Variants in MRS2 observed in about 807,000 individuals in gnomAD.
MRS2 encodes the protein magnesium transporter MRS2.
Under a neutral mutation model 52.6 loss-of-function variants are expected in MRS2, and 40 were observed. The observed-to-expected ratio is 0.76, with a 90% CI of 0.59 to 0.99. The LOEUF (loss-of-function observed/expected upper bound fraction) is 0.99. MRS2 is among the 50% of genes least tolerant of loss of function. MRS2 has a pLI of 0.00. For missense variants in MRS2, 472 were observed against 532.7 expected (o/e 0.89, Z 1.12); for synonymous variants, 193 against 195.9 (o/e 0.98, Z 0.13).
chr6:24,410,042 C>T (rs932978089), intron 4 of MRS2, among the ~76,000 whole-genome samples: 6 of 152,074 alleles, frequency 3.9e-5, no homozygotes, highest in African/African-American at 1.2e-4. Context: ...CAGGCTGGCA[C>T]GATCTTGGCT....
chr6:24,407,171 G>C (rs1355370146), intron 2 of MRS2, among the ~76,000 whole-genome samples: 1 of 147,484 alleles, frequency 6.8e-6, no homozygotes, highest in Admixed American at 6.9e-5. Context: ...CATTTCAGGT[G>C]ATTAATATAG....
intron 1 of MRS2, 66 bp from the exon 2 acceptor site, chr6:24,405,102 T>A: frequency 8.9e-7 from 1 of 1,128,626 alleles, no homozygotes; most frequent in South Asian, 1.3e-5. Context: ...ACTTTGAGAG[T>A]TGTATTTTAG....
intron 2 of MRS2, among the ~76,000 whole-genome samples, chr6:24,407,995 A>G (rs1463428673): frequency 1.3e-5 from 2 of 152,196 alleles, no homozygotes; most frequent in Non-Finnish European, 1.5e-5. Flanking sequence ...CATGGCCACA[A>G]GAGCCACCAC....
In MRS2 at chr6:24,415,038, C is replaced by T. The variant is rs972467751; in HGVS notation, c.594C>T (p.Asn198=). 8 of 1,605,226 alleles carry T rather than the reference C, an allele frequency of 5.0e-6. No homozygotes were observed. Among genetic ancestry groups the T allele is most frequent in the Non-Finnish European group, 6.8e-6 (8 of 1,173,676 alleles). Residue 198 remains asparagine, a synonymous_variant, in exon 6 of 11, where the codon AAC becomes AAT. Coordinates refer to ENST00000378386, the MANE Select transcript of MRS2 (RefSeq NM_020662.4). The stretch of plus-strand genomic sequence containing the variant: ...AAGGTCATGTTGTTATCTAGATCAA[C>T]ACCCTTCAGGGGAAACTTAGCATTT... ...AIEALLQYWI[N]TLQGKLSILQ... is the part of the protein sequence containing the mutation.
At chr6:24,419,917 G>A (rs946899408) in intron 9 of MRS2, among the ~76,000 whole-genome samples, 2 of 152,198 alleles carry the variant, frequency 1.3e-5, no homozygotes, top group African/African-American at 2.4e-5. Context: ...ACCTGGATGT[G>A]CATCTGGCAC....
chr6:24,407,489 C>T (rs747166344), intron 2 of MRS2, among the ~76,000 whole-genome samples: 41 of 152,110 alleles, frequency 2.7e-4, no homozygotes, highest in Non-Finnish European at 4.3e-4. Context: ...ATGTGTCTGT[C>T]GTAGTAAGTA....
chr6:24,405,392 A>G (rs1761434033), intron 2 of MRS2, 151 bp downstream of exon 2: 1 of 600,426 alleles, frequency 1.7e-6, no homozygotes, highest in Non-Finnish European at 3.0e-6. Context: ...CAGTGACCTA[A>G]GTGCCTGCTA....
chr6:24,416,040 C>T (rs558873111), intron 6 of MRS2, among the ~76,000 whole-genome samples: 2 of 152,218 alleles, frequency 1.3e-5, no homozygotes, highest in Admixed American at 6.5e-5. Flanking sequence ...CTCCCACCTC[C>T]ACCACCCAAG....
intron 9 of MRS2, among the ~76,000 whole-genome samples, chr6:24,422,570 A>C (rs924283891): frequency 6.6e-6 from 1 of 151,976 alleles, no homozygotes; most frequent in African/African-American, 2.4e-5. Context: ...CGTGCCCAGC[A>C]TAGCACCAGA....
intron 2 of MRS2, among the ~76,000 whole-genome samples, chr6:24,406,688 T>G (rs774031281): frequency 5.9e-5 from 9 of 152,086 alleles, no homozygotes; most frequent in Non-Finnish European, 1.3e-4. Context: ...GGCAGGAGAA[T>G]CGCTTGAACC....
intron 9 of MRS2, among the ~76,000 whole-genome samples, chr6:24,420,912 G>GGT (rs1369055937): frequency 6.6e-6 from 1 of 152,158 alleles, no homozygotes; most frequent in Non-Finnish European, 1.5e-5. Flanking sequence ...CGTAGAGCGT[G>GGT]GTAGGGGTTT....
At position 24,412,401 on chromosome 6, in the gene MRS2, T is replaced by C. The variant is rs929084197; in HGVS notation, c.588+6T>C. On this transcript the variant is annotated splice_donor_region_variant and intron_variant, in intron 5 of 10. Transcript: ENST00000378386. ...AAGCACTCCTGCAATATTGGGTAAG[T>C]CTGTTTTTATTTAGCTTCTTGGGTT... 2 of 1,525,422 alleles carry C rather than the reference T, an allele frequency of 1.3e-6. No individual in the cohort carries two copies. Among genetic ancestry groups the C allele is most frequent in the South Asian group, 1.3e-5 (1 of 77,782 alleles). 94.5% of individuals were successfully genotyped at this position (1,525,422 alleles called of 1,614,324 possible). A position where few individuals can be genotyped will look rare whatever the true frequency, so the allele number is the denominator to read the frequency against.
intron 4 of MRS2, among the ~76,000 whole-genome samples, chr6:24,410,094 CTCAGCCT>C (rs1761603498): frequency 1.3e-5 from 2 of 152,128 alleles, no homozygotes; most frequent in South Asian, 4.1e-4. Flanking sequence ...ATTCTCCTGC[CTCAGCCT>C]TCTGAGTAGC....
chr6:24,417,933 T>TC, intron 7 of MRS2, 151 bp from the exon 8 acceptor site: 1 of 587,350 alleles, frequency 1.7e-6, no homozygotes, highest in Non-Finnish European at 2.7e-6. Flanking sequence ...AGAGTGAAAC[T>TC]CCATCTCAAA....
chr6:24,407,233 T>G (rs1426586498), intron 2 of MRS2, among the ~76,000 whole-genome samples: 1 of 152,258 alleles, frequency 6.6e-6, no homozygotes, highest in African/African-American at 2.4e-5. Flanking sequence ...GTTTATGTAT[T>G]TGTGAAATAT....
Position 24,415,034 on chromosome 6 carries a change from T to G in MRS2, c.590T>G (p.Ile197Ser). 6.2e-7 allele frequency: 1 copy of G among 1,604,134 alleles called. No individual in the cohort carries two copies. Among genetic ancestry groups the G allele is most frequent in the Non-Finnish European group, 8.5e-7 (1 of 1,172,800 alleles). ...ATGAAAGGTCATGTTGTTATCTAGATCAACACCCTTCAGGGGAAACTTAGC... is the reference window on the plus strand; with the variant it reads ...ATGAAAGGTCATGTTGTTATCTAGAGCAACACCCTTCAGGGGAAACTTAGC... ...RAIEALLQYWINTLQGKLSIL... is the reference protein window; with the variant it reads ...RAIEALLQYWSNTLQGKLSIL... Residue 197 changes from isoleucine to serine, a missense_variant and splice_region_variant, in exon 6 of 11, where the codon ATC becomes AGC. By Grantham distance (142) the Ile-to-Ser change is moderately radical. Coordinates refer to ENST00000378386, the MANE Select transcript of MRS2 (RefSeq NM_020662.4).
At chr6:24,414,087 A>T (rs1761756403) in intron 5 of MRS2, among the ~76,000 whole-genome samples, 2 of 152,200 alleles carry the variant, frequency 1.3e-5, no homozygotes, top group Non-Finnish European at 2.9e-5. Context: ...ATAATAGCAG[A>T]TTTTATTTTA....
intron 2 of MRS2, among the ~76,000 whole-genome samples, chr6:24,407,540 C>T (rs944722560): frequency 2.0e-5 from 3 of 152,170 alleles, no homozygotes; most frequent in Admixed American, 1.3e-4. Flanking sequence ...TGTTTCACAG[C>T]TTCAAACTTG....
intron 1 of MRS2, among the ~76,000 whole-genome samples, chr6:24,403,848 C>A (rs1043568760): frequency 6.6e-6 from 1 of 152,094 alleles, no homozygotes; most frequent in African/African-American, 2.4e-5. Context: ...ATTGGGGACG[C>A]ACCTAGAAGT....
Sources: allele counts gnomAD v4.1 joint callset (sites outside exome capture counted in the v4.1 genomes callset), GRCh38; gene constraint gnomAD v4.1.1; transcripts MANE v1.5; gene names NCBI Gene and HGNC (gene_info 2026-07-23, HGNC 2026-07-21).